Variants in ITGA9 observed in about 807,000 individuals in gnomAD.
ITGA9 encodes the protein integrin alpha-9.
In ITGA9, 56 loss-of-function variants were observed where a neutral mutation model predicts 127.8. The observed-to-expected ratio is 0.44, with a 90% CI of 0.35 to 0.55. The LOEUF (loss-of-function observed/expected upper bound fraction) is 0.55. Ranked by LOEUF, ITGA9 falls within the 20% of genes least tolerant of loss-of-function variation. The pLI is 0.00. For missense variants in ITGA9, 1,196 were observed against 1,347.1 expected, an observed-to-expected ratio of 0.89 and a Z score of 1.76; for synonymous variants, 508 against 514.5, an observed-to-expected ratio of 0.99 and a Z score of 0.17.
intron 18 of ITGA9, among the ~76,000 whole-genome samples, chr3:37,686,018 T>C (rs957878138): frequency 2.0e-5 from 3 of 152,258 alleles, no homozygotes; most frequent in African/African-American, 7.2e-5. Flanking sequence ...ATTTAGGTTA[T>C]TCCCAGTTTC....
intron 4 of ITGA9, among the ~76,000 whole-genome samples, chr3:37,486,916 G>C (rs546010387): frequency 6.6e-6 from 1 of 152,322 alleles, no homozygotes; most frequent in East Asian, 1.9e-4. Flanking sequence ...TATTTCTAGT[G>C]TGTGTTTGCA....
chr3:37,480,413 A>G (rs445938), intron 3 of ITGA9, among the ~76,000 whole-genome samples: 72,867 of 151,910 alleles, frequency 0.48, 17,611 homozygotes, highest in African/African-American at 0.53. Flanking sequence ...CGGAGCTCTC[A>G]TGCACCCCAA....
intron 20 of ITGA9, 128 bp from the exon 21 acceptor site, chr3:37,741,602 C>G: frequency 1.3e-6 from 1 of 746,658 alleles, no homozygotes; most frequent in South Asian, 1.5e-5. Context: ...CAAAAACAGA[C>G]TGAAGGCAAT....
At chr3:37,578,139 A>G (rs541135994) in intron 15 of ITGA9, among the ~76,000 whole-genome samples, 1 of 152,322 alleles carries the variant, frequency 6.6e-6, no homozygotes, top group African/African-American at 2.4e-5. Context: ...GAGGTACAAG[A>G]AATGTTCAAT....
chr3:37,749,003 A>G, intron 22 of ITGA9: 1 of 462,090 alleles, frequency 2.2e-6, no homozygotes, highest in Non-Finnish European at 3.8e-6. Flanking sequence ...TTAATTTCTT[A>G]TTGCTGCTGT....
chr3:37,519,309 T>C lies in ITGA9; in HGVS notation c.1191T>C (p.Tyr397=), dbSNP rs1006004130. 6 of 1,614,072 alleles carry C rather than the reference T, an allele frequency of 3.7e-6. No individual in the cohort carries two copies. The African/African-American group carries it at 6.7e-5, about 18-fold the overall frequency. ...PKEDDFAGAV[Y]IYHGDAGGIV... is the part of the protein sequence containing the mutation. ...AGGATGACTTCGCAGGGGCGGTCTA[T>C]ATCTATCATGGTGATGCCGGTGGGA... The change falls in exon 11 of 28, where the codon TAT becomes TAC. Residue 397 remains tyrosine (Y), a synonymous_variant. Coordinates refer to ENST00000264741, the MANE Select transcript of ITGA9 (RefSeq NM_002207.3).
chr3:37,689,955 G>A (rs961950049), intron 18 of ITGA9, among the ~76,000 whole-genome samples: 1 of 152,318 alleles, frequency 6.6e-6, no homozygotes, highest in East Asian at 1.9e-4. Context: ...GGGGCCAAAG[G>A]CATGTCAGTA....
chr3:37,453,271 A>G (rs889245531), intron 1 of ITGA9, among the ~76,000 whole-genome samples: 3 of 152,344 alleles, frequency 2.0e-5, no homozygotes, highest in East Asian at 1.9e-4. Context: ...CTCATCTCAT[A>G]TGGGCCATTC....
chr3:37,798,530 A>C (rs1162002799), intron 26 of ITGA9, among the ~76,000 whole-genome samples: 1 of 152,214 alleles, frequency 6.6e-6, no homozygotes, highest in East Asian at 1.9e-4. Flanking sequence ...CAGAATCTGC[A>C]TTTTAATAGA....
chr3:37,667,208 C>A (rs1027810648), intron 17 of ITGA9, among the ~76,000 whole-genome samples: 1 of 152,160 alleles, frequency 6.6e-6, no homozygotes, highest in Non-Finnish European at 1.5e-5. Flanking sequence ...GACATGGAGG[C>A]TTCTTCCCAT....
chr3:37,484,508 G>C (rs1441733830), intron 4 of ITGA9, among the ~76,000 whole-genome samples: 1 of 152,170 alleles, frequency 6.6e-6, no homozygotes, highest in Admixed American at 6.5e-5. Context: ...CAAGTTCTCT[G>C]TTCCACGTTA....
At chr3:37,617,586 A>G (rs1174117556) in intron 15 of ITGA9, among the ~76,000 whole-genome samples, 3 of 152,184 alleles carry the variant, frequency 2.0e-5, no homozygotes, top group Non-Finnish European at 2.9e-5. Context: ...TTTCCCCGTC[A>G]CTTTCAGGTA....
At chr3:37,489,805 C>T (rs1698649685) in intron 4 of ITGA9, among the ~76,000 whole-genome samples, 1 of 151,506 alleles carries the variant, frequency 6.6e-6, no homozygotes, top group African/African-American at 2.4e-5. Flanking sequence ...ATGCTTGTTC[C>T]TCAGTGCCAC....
At chr3:37,759,077 CCA>C (rs10565669) in intron 23 of ITGA9, among the ~76,000 whole-genome samples, 10,678 of 145,864 alleles carry the variant, frequency 0.073, 976 homozygotes, top group African/African-American at 0.22. Flanking sequence ...ATATATATAC[CCA>C]CACACACACA....
intron 18 of ITGA9, among the ~76,000 whole-genome samples, chr3:37,706,667 T>C (rs1701009317): frequency 6.6e-6 from 1 of 152,078 alleles, no homozygotes; most frequent in Admixed American, 6.6e-5. Flanking sequence ...TGTCATTGAG[T>C]TTGGGTGCCC....
rs2844420 is a variant in ITGA9 at position 37,821,643 on chromosome 3, G to A, written c.*2654G>A. 0.25 allele frequency: 38,040 copies of A among 151,746 alleles called. 5,669 individuals are homozygous for A. Among genetic ancestry groups the A allele is most frequent in the South Asian group, 0.39 (1,857 of 4,808 alleles). The allele number at this position is 151,746 out of a possible 1,614,324, so 9.4% of individuals were successfully genotyped here. A position where few individuals can be genotyped will look rare whatever the true frequency, so the allele number is the denominator to read the frequency against. ...TGGTGACAGTGTAGAAGGGTGATTC[G>A]CAGGCCCATGTTCTGCCCACCAGCA... On this transcript the variant is annotated 3_prime_UTR_variant, in exon 28 of 28. Coordinates refer to ENST00000264741, the MANE Select transcript of ITGA9 (RefSeq NM_002207.3).
chr3:37,610,555 A>T (rs1016949685), intron 15 of ITGA9, among the ~76,000 whole-genome samples: 12 of 152,230 alleles, frequency 7.9e-5, no homozygotes, highest in African/African-American at 2.9e-4. Flanking sequence ...TGATACAAGT[A>T]TAGACTTAGT....
intron 5 of ITGA9, among the ~76,000 whole-genome samples, chr3:37,501,027 TACCCC>T (rs1344249745): frequency 1.3e-5 from 2 of 152,182 alleles, no homozygotes; most frequent in Non-Finnish European, 2.9e-5. Context: ...CATGCTGTCT[TACCCC>T]AAGAATGATC....
At chr3:37,809,028 C>T (rs1439892828) in intron 27 of ITGA9, 1 of 151,876 alleles carries the variant, frequency 6.6e-6, no homozygotes, top group Non-Finnish European at 1.5e-5. Flanking sequence ...GTGGCAAAGC[C>T]TTAGTGGCTG....
Sources: allele counts gnomAD v4.1 joint callset (sites outside exome capture counted in the v4.1 genomes callset), GRCh38; gene constraint gnomAD v4.1.1; transcripts MANE v1.5; gene names NCBI Gene and HGNC (gene_info 2026-07-23, HGNC 2026-07-21).